DST: variants seen among roughly 807,000 people sequenced by gnomAD.
DST encodes dystonin, also known as bullous pemphigoid antigen.
DST carries 253 observed loss-of-function variants against 875.2 expected under a neutral mutation model. The ratio of observed to expected loss-of-function variants is 0.29; its 90% CI spans 0.26 to 0.32. The LOEUF (loss-of-function observed/expected upper bound fraction) is 0.32, where lower values mean the gene tolerates loss of function less well. Among genes scored for constraint, DST ranks in the 10% least tolerant of loss-of-function variants. DST has a pLI of 1.00. For synonymous variants in DST, 3,124 were observed against 3,197.1 expected (o/e 0.98, Z 0.77); for missense variants, 8,287 against 9,111.6 (o/e 0.91, Z 3.68).
chr6:56,510,083 C>G (rs1295312842), intron 73 of DST, among the ~76,000 whole-genome samples: 2 of 152,072 alleles, frequency 1.3e-5, no homozygotes, highest in African/African-American at 2.4e-5. Flanking sequence ...GTCACACTAC[C>G]TATGTACAAT....
At position 56,472,209 on chromosome 6, in the gene DST, T is replaced by C; in HGVS notation, c.22008A>G (p.Pro7336=). Residue 7336 remains proline, a synonymous_variant, in exon 94 of 104, where the codon CCA becomes CCG. Transcript: ENST00000680361. ...DKGRAGRKRF[P]ASSLYPSGSQ... is the part of the protein sequence containing the mutation. ...ACCCAGAGGGATACAAGCTTGATGC[T>C]GGAAAGCGTTTTCCTGTGAAGGTAT... The C allele has an allele frequency of 6.2e-7, 1 of 1,613,782 alleles. No homozygotes were observed. The highest frequency in any genetic ancestry group is 8.5e-7 in the Non-Finnish European group (1 of 1,179,758).
chr6:56,633,525 C>T (rs573769420), intron 27 of DST, among the ~76,000 whole-genome samples: 1 of 150,758 alleles, frequency 6.6e-6, no homozygotes, highest in East Asian at 2.0e-4. Flanking sequence ...CGCGCCCGGC[C>T]GAGACGGAGT....
chr6:56,542,090 G>C (rs1465803126), intron 61 of DST, among the ~76,000 whole-genome samples: 1 of 152,084 alleles, frequency 6.6e-6, no homozygotes, highest in Non-Finnish European at 1.5e-5. Flanking sequence ...CCACCATTCT[G>C]GTAAATAAAC....
At chr6:56,759,925 C>A (rs1589764883) in intron 4 of DST, among the ~76,000 whole-genome samples, 1 of 152,214 alleles carries the variant, frequency 6.6e-6, no homozygotes, top group Non-Finnish European at 1.5e-5. Context: ...TTCACAGAAT[C>A]ATTTTGTGGT....
chr6:56,946,863 A>C (rs551888881), intron 2 of DST, among the ~76,000 whole-genome samples: 1 of 152,346 alleles, frequency 6.6e-6, no homozygotes, highest in South Asian at 2.1e-4. Flanking sequence ...TGCTACATAC[A>C]TTTCAAATAC....
At chr6:56,486,280 G>A (rs996702460) in intron 87 of DST, among the ~76,000 whole-genome samples, 4 of 147,608 alleles carry the variant, frequency 2.7e-5, no homozygotes, top group African/African-American at 5.0e-5. Flanking sequence ...GGAGAATGGC[G>A]TGAACCCGGG....
intron 4 of DST, among the ~76,000 whole-genome samples, chr6:56,773,273 A>T (rs1021130960): frequency 6.6e-6 from 1 of 152,108 alleles, no homozygotes; most frequent in Admixed American, 6.6e-5. Flanking sequence ...AGATACAGTC[A>T]TCTTTTATTC....
Position 56,954,694 on chromosome 6 carries a change from G to A in DST, c.-107C>T. 1 of 692,174 alleles carries A rather than the reference G, an allele frequency of 1.4e-6. No homozygotes were observed. The highest frequency in any genetic ancestry group is 1.8e-6 in the Non-Finnish European group (1 of 549,354). The allele number at this position is 692,174 out of a possible 1,614,324, so 42.9% of individuals were successfully genotyped here. On this transcript the variant is annotated 5_prime_UTR_variant, in exon 1 of 104. Transcript: ENST00000680361. ...GGCGGGCACGGGTGAGCGCGGCTCA[G>A]CGCGTCATGCCTGGCGCTCGCGGCC...
chr6:56,927,341 A>C (rs1807718812), intron 2 of DST, among the ~76,000 whole-genome samples: 1 of 152,246 alleles, frequency 6.6e-6, no homozygotes, highest in South Asian at 2.1e-4. Flanking sequence ...GGAAATGTTA[A>C]TGTTAAATGC....
intron 4 of DST, among the ~76,000 whole-genome samples, chr6:56,739,193 A>G (rs549793948): frequency 6.6e-6 from 1 of 150,760 alleles, no homozygotes; most frequent in East Asian, 2.0e-4. Context: ...TTATTTCAGG[A>G]AGGACAATCC....
chr6:56,855,035 A>G (rs1162079356), intron 3 of DST, among the ~76,000 whole-genome samples: 1 of 152,238 alleles, frequency 6.6e-6, no homozygotes, highest in Admixed American at 6.5e-5. Flanking sequence ...GGTAGTGAAG[A>G]TAAAGCTGGC....
chr6:56,846,584 G>GC (rs1591615394), intron 4 of DST, among the ~76,000 whole-genome samples: 1 of 152,136 alleles, frequency 6.6e-6, no homozygotes, highest in East Asian at 1.9e-4. Context: ...GTGTTTAAAA[G>GC]CCCCTTTCCT....
rs746101975 is a variant in DST at position 56,642,420 on chromosome 6, G to T, written c.1862C>A (p.Ala621Asp). 6.2e-7 allele frequency: 1 copy of T among 1,611,254 alleles called. No individual in the cohort carries two copies. Among genetic ancestry groups the T allele is most frequent in the Non-Finnish European group, 8.5e-7 (1 of 1,177,418 alleles). Reference protein sequence around the residue: ...CEDKLILAGNALQSDSKRLES... With the variant: ...CEDKLILAGNDLQSDSKRLES... Reference sequence around the variant, plus strand: ...CTAAAATTAACTTACAGACTGAAGAGCATTTCCAGCAAGAATCAGTTTGTC... The same window carrying T: ...CTAAAATTAACTTACAGACTGAAGATCATTTCCAGCAAGAATCAGTTTGTC... Residue 621 changes from alanine (A) to aspartate (D), a missense_variant, in exon 16 of 104, where the codon GCT becomes GAT. This residue lies in a region of DST where 1,160 missense variants were observed against 1,424.3 expected (regional missense o/e 0.81). Coordinates refer to ENST00000680361, the MANE Select transcript of DST (RefSeq NM_001374736.1).
Position 56,642,497 on chromosome 6 carries a change from T to G in DST, c.1785A>C (p.Glu595Asp). 6.2e-7 allele frequency: 1 copy of G among 1,613,054 alleles called. No homozygotes were observed. Among genetic ancestry groups the G allele is most frequent in the Non-Finnish European group, 8.5e-7 (1 of 1,179,028 alleles). Residue 595 changes from glutamate (E) to aspartate (D), a missense_variant, in exon 16 of 104, where the codon GAA (glutamate) becomes GAC (aspartate). Around this residue, in one of 10 missense-constraint regions of DST, gnomAD observed 1,160 missense variants for 1,424.3 expected, o/e 0.81. Coordinates refer to ENST00000680361, the MANE Select transcript of DST (RefSeq NM_001374736.1). ...CTCTGTTGGCAATCTGTTGCAACAT[T>G]TCTAACCTAAAAGATGAGACAAAAT... ...KALRPEVERL[E>D]MLQQIANRVQ...
chr6:56,592,431 C>T lies in DST; in HGVS notation c.12727-73G>A. On this transcript the variant is annotated intron_variant, in intron 48 of 103. Transcript: ENST00000680361. ...TCATATGCATCAAATAATCTTAGGA[C>T]CTATAAAATATGTAACTTGGAAAAA... 4.2e-6 allele frequency: 5 copies of T among 1,199,038 alleles called. No individual in the cohort carries two copies. In the South Asian group the frequency reaches 5.9e-5, roughly 14 times the overall value. The allele number at this position is 1,199,038 out of a possible 1,614,324, so 74.3% of individuals were successfully genotyped here.
intron 4 of DST, among the ~76,000 whole-genome samples, chr6:56,738,222 T>C (rs1390298906): frequency 2.0e-5 from 3 of 152,244 alleles, no homozygotes; most frequent in Admixed American, 2.0e-4. Context: ...CCCCAACTTC[T>C]AATCTACTTC....
chr6:56,947,248 CTCTTT>C (rs950976546), intron 2 of DST, among the ~76,000 whole-genome samples: 1 of 68,196 alleles, frequency 1.5e-5, no homozygotes, highest in African/African-American at 5.8e-5. Flanking sequence ...TTGCTACTCT[CTCTTT>C]TTTTTTTTTT....
chr6:56,560,343 G>A lies in DST; in HGVS notation c.14391C>T (p.Asn4797=). Residue 4797 remains asparagine, a synonymous_variant, in exon 58 of 104, where the codon AAC becomes AAT. Transcript: ENST00000680361. ...ATCTGGGGGCCTCAGGAGTATCTGGGTTCTCCTCCAACAGCTCTGTCAATT... is the reference window on the plus strand; with the variant it reads ...ATCTGGGGGCCTCAGGAGTATCTGGATTCTCCTCCAACAGCTCTGTCAATT... ...KDKLTELLEE[N]PDTPEAPRWK... 1 of 1,610,410 alleles carries A rather than the reference G, an allele frequency of 6.2e-7. No homozygotes were observed. The highest frequency in any genetic ancestry group is 1.3e-5 in the African/African-American group (1 of 74,956).
chr6:56,711,096 G>C (rs1170788047), intron 5 of DST, among the ~76,000 whole-genome samples: 1 of 152,062 alleles, frequency 6.6e-6, no homozygotes, highest in Non-Finnish European at 1.5e-5. Flanking sequence ...CACAAAGAAG[G>C]CTTCTCTTTT....
Sources: gnomAD v4.1 joint callset for allele counts (sites outside exome capture counted in the v4.1 genomes callset) on GRCh38, gnomAD v4.1.1 for gene constraint, gnomAD v4.1.1 regional missense constraint, MANE v1.5 for transcripts, NCBI Gene and HGNC (gene_info 2026-07-23, HGNC 2026-07-21) for gene names.